Variants in TSPAN14 observed in about 807,000 individuals in gnomAD.
TSPAN14 encodes the protein tetraspanin-14.
A neutral mutation model predicts 36.6 loss-of-function variants in TSPAN14; 16 were observed. The ratio of observed to expected loss-of-function variants is 0.44; its 90% CI spans 0.30 to 0.66. The LOEUF is 0.66. TSPAN14 is among the 30% of genes least tolerant of loss of function. TSPAN14 has a pLI of 0.12. For missense variants in TSPAN14, 231 were observed against 355.1 expected, an observed-to-expected ratio of 0.65 and a Z score of 2.81; for synonymous variants, 139 against 143.8, an observed-to-expected ratio of 0.97 and a Z score of 0.24.
chr10:80,470,048 T>A (rs915584169), intron 1 of TSPAN14, among the ~76,000 whole-genome samples: 5 of 152,246 alleles, frequency 3.3e-5, no homozygotes, highest in African/African-American at 9.6e-5. Flanking sequence ...TAATACAATG[T>A]AAATGCTATG....
At chr10:80,456,552 A>G (rs73305122) in intron 1 of TSPAN14, among the ~76,000 whole-genome samples, 12,334 of 152,258 alleles carry the variant, frequency 0.081, 495 homozygotes, top group African/African-American at 0.1. Flanking sequence ...GCCTCACTCT[A>G]TGCCACCATG....
At chr10:80,477,262 G>A (rs1846971036) in intron 1 of TSPAN14, among the ~76,000 whole-genome samples, 1 of 152,166 alleles carries the variant, frequency 6.6e-6, no homozygotes. Flanking sequence ...AATTACATGT[G>A]CCAAGTCACT....
At chr10:80,521,027 C>T in exon 9 of TSPAN14, 1 of 336,246 alleles carries the variant, frequency 3.0e-6, no homozygotes, top group Non-Finnish European at 5.9e-6. Flanking sequence ...AGAAGCCTGG[C>T]ACTGGGTTTC....
intron 1 of TSPAN14, among the ~76,000 whole-genome samples, chr10:80,462,025 C>G (rs967479391): frequency 6.6e-6 from 1 of 151,966 alleles, no homozygotes; most frequent in Non-Finnish European, 1.5e-5. Flanking sequence ...GTGATCCTCC[C>G]GCCTCAGCCT....
chr10:80,520,910 G>T, exon 9 of TSPAN14: 1 of 492,840 alleles, frequency 2.0e-6, no homozygotes, highest in South Asian at 1.6e-5. Context: ...TCTCCCATAT[G>T]TCTGCTTAGG....
chr10:80,503,216 G>T (rs1329311360), intron 2 of TSPAN14, among the ~76,000 whole-genome samples: 2 of 152,126 alleles, frequency 1.3e-5, no homozygotes, highest in Non-Finnish European at 2.9e-5. Flanking sequence ...AAAGGAAGCG[G>T]TCATGCATTC....
chr10:80,522,154 T>C (rs1448754049), exon 9 of TSPAN14: 4 of 152,200 alleles, frequency 2.6e-5, no homozygotes, highest in Non-Finnish European at 5.9e-5. Context: ...TTTCTTCACT[T>C]AGTTTTCTTT....
intron 7 of TSPAN14, among the ~76,000 whole-genome samples, chr10:80,514,552 A>G (rs1840829788): frequency 6.6e-6 from 1 of 152,060 alleles, no homozygotes; most frequent in African/African-American, 2.4e-5. Context: ...TGCAAAGAGA[A>G]GGAAGACCCC....
At chr10:80,463,957 C>T (rs149453286) in intron 1 of TSPAN14, among the ~76,000 whole-genome samples, 174 of 152,350 alleles carry the variant, frequency 1.1e-3, no homozygotes, top group African/African-American at 4.0e-3. Context: ...TCTCCGTGAC[C>T]TCCATATTTA....
intron 1 of TSPAN14, among the ~76,000 whole-genome samples, chr10:80,477,639 G>C (rs2131986784): frequency 6.6e-6 from 1 of 152,270 alleles, no homozygotes; most frequent in South Asian, 2.1e-4. Context: ...AGAATAGTTT[G>C]AAAGCAGCTA....
rs1384236126 is a variant in TSPAN14, at chr10:80,476,500, C to T, written c.-17-12717C>T. Among the ~76,000 whole-genome samples the T allele has an allele frequency of 2.0e-5, 3 of 148,962 alleles. No individual in the cohort carries two copies. The East Asian group carries it at 5.9e-4, about 29-fold the overall frequency. On this transcript the variant is annotated intron_variant, in intron 1 of 8. Transcript: ENST00000429989. Reference sequence around the variant, plus strand: ...GCGAGATCTCTGCTCACTGCAAGCTCCGCCTCCCGGGTTCACGCCATTCTC... The same window carrying T: ...GCGAGATCTCTGCTCACTGCAAGCTTCGCCTCCCGGGTTCACGCCATTCTC...
intron 2 of TSPAN14, among the ~76,000 whole-genome samples, chr10:80,497,354 C>T (rs994013153): frequency 2.0e-5 from 3 of 152,192 alleles, no homozygotes; most frequent in Non-Finnish European, 4.4e-5. Context: ...GCTTTTCAGA[C>T]TATGGCTTGC....
chr10:80,495,270 T>C (rs757659178), intron 2 of TSPAN14, among the ~76,000 whole-genome samples: 38 of 152,050 alleles, frequency 2.5e-4, no homozygotes, highest in Non-Finnish European at 4.4e-4. Context: ...TGCCTGAACA[T>C]ACAGTCAAAA....
At chr10:80,495,335 C>CTGTGTGTGTGTGTGTG (rs3041272) in intron 2 of TSPAN14, among the ~76,000 whole-genome samples, 3 of 135,650 alleles carry the variant, frequency 2.2e-5, no homozygotes, top group Non-Finnish European at 4.6e-5. Context: ...TCTTTTGGCA[C>CTGTGTGTGTGTGTGTG]TGTGTGTGTG....
intron 2 of TSPAN14, among the ~76,000 whole-genome samples, chr10:80,495,514 A>G (rs1056990933): frequency 1.3e-5 from 2 of 152,144 alleles, no homozygotes; most frequent in Non-Finnish European, 2.9e-5. Flanking sequence ...GATTTCCCCA[A>G]CTTAGGCAAG....
chr10:80,484,261 A>G (rs953113068), intron 1 of TSPAN14, among the ~76,000 whole-genome samples: 2 of 152,012 alleles, frequency 1.3e-5, no homozygotes, highest in East Asian at 3.8e-4. Flanking sequence ...AAAGTGTAAA[A>G]TAGTATATCT....
intron 1 of TSPAN14, among the ~76,000 whole-genome samples, chr10:80,468,315 C>G (rs1469547503): frequency 2.0e-5 from 3 of 152,166 alleles, no homozygotes; most frequent in African/African-American, 7.2e-5. Context: ...GGGCGGTGGT[C>G]TTGGAAGAGG....
chr10:80,511,747 TC>T (rs1564745172), intron 5 of TSPAN14, among the ~76,000 whole-genome samples: 157 of 143,120 alleles, frequency 1.1e-3, no homozygotes, highest in Non-Finnish European at 1.8e-3. Flanking sequence ...TCTCTCTCTC[TC>T]TCTCTCTCTC....
At chr10:80,475,447 T>A (rs915740636) in intron 1 of TSPAN14, among the ~76,000 whole-genome samples, 1 of 152,112 alleles carries the variant, frequency 6.6e-6, no homozygotes, top group Non-Finnish European at 1.5e-5. Context: ...ACACCTGTGG[T>A]CCCAGCTACT....
Sources: allele counts gnomAD v4.1 joint callset (sites outside exome capture counted in the v4.1 genomes callset), GRCh38; gene constraint gnomAD v4.1.1; transcripts MANE v1.5; gene names NCBI Gene and HGNC (gene_info 2026-07-23, HGNC 2026-07-21).